RSPO2: variants seen among roughly 807,000 people sequenced by gnomAD.
The protein encoded by RSPO2 is R-spondin-2.
Under a neutral mutation model 30.9 loss-of-function variants are expected in RSPO2, and 14 were observed. The observed-to-expected ratio is 0.45, with a 90% CI of 0.30 to 0.71. The LOEUF (loss-of-function observed/expected upper bound fraction) is 0.71, where lower values mean the gene tolerates loss of function less well. RSPO2 is among the 30% of genes least tolerant of loss of function. The pLI, the probability that RSPO2 is intolerant of heterozygous loss-of-function variation, is 0.08. For missense variants in RSPO2, 264 were observed against 301.9 expected (o/e 0.87, Z 0.93); for synonymous variants, 107 against 96.4 (o/e 1.11, Z -0.64).
chr8:107,973,386 T>C (rs1019133042), intron 3 of RSPO2, among the ~76,000 whole-genome samples: 1 of 138,532 alleles, frequency 7.2e-6, no homozygotes, highest in African/African-American at 3.1e-5. Flanking sequence ...TAAGGTACAG[T>C]TGACCCTTGC....
At chr8:107,926,502 C>T (rs911122756) in intron 5 of RSPO2, among the ~76,000 whole-genome samples, 1 of 152,110 alleles carries the variant, frequency 6.6e-6, no homozygotes, top group African/African-American at 2.4e-5. Flanking sequence ...ATAGTATTGC[C>T]TAGGTTTTCT....
intron 2 of RSPO2, among the ~76,000 whole-genome samples, chr8:108,011,148 A>AAAAAAAG (rs1554581784): frequency 1.5e-4 from 21 of 140,466 alleles, no homozygotes; most frequent in Non-Finnish European, 2.9e-4. Context: ...AAAAAAAAAA[A>AAAAAAAG]AAAGAAAGAA....
chr8:108,039,643 C>T (rs1222636664), intron 2 of RSPO2, among the ~76,000 whole-genome samples: 1 of 152,092 alleles, frequency 6.6e-6, no homozygotes, highest in Non-Finnish European at 1.5e-5. Context: ...AGATAATGAA[C>T]AGGCCCCCAC....
intron 5 of RSPO2, among the ~76,000 whole-genome samples, chr8:107,917,000 T>C (rs1812002539): frequency 6.6e-6 from 1 of 152,204 alleles, no homozygotes; most frequent in Non-Finnish European, 1.5e-5. Flanking sequence ...CATTTTGTTT[T>C]CTCTTTTGAA....
At chr8:108,061,824 T>C (rs1314368524) in intron 2 of RSPO2, among the ~76,000 whole-genome samples, 8 of 151,798 alleles carry the variant, frequency 5.3e-5, no homozygotes, top group South Asian at 2.1e-4. Context: ...ACAGAAATTA[T>C]AACAAACTGT....
intron 2 of RSPO2, chr8:107,997,304 G>A (rs1258576044): frequency 1.9e-5 from 3 of 155,650 alleles, no homozygotes; most frequent in Admixed American, 6.5e-5. Flanking sequence ...ATCTTCATAA[G>A]TTGAATGGCT....
intron 2 of RSPO2, among the ~76,000 whole-genome samples, chr8:107,990,559 A>G (rs1428991291): frequency 6.6e-6 from 1 of 152,218 alleles, no homozygotes; most frequent in African/African-American, 2.4e-5. Context: ...CAGAGATAAC[A>G]CAAACAAATG....
At chr8:108,068,444 A>G (rs1366323907) in intron 2 of RSPO2, among the ~76,000 whole-genome samples, 2 of 152,210 alleles carry the variant, frequency 1.3e-5, no homozygotes, top group African/African-American at 4.8e-5. Flanking sequence ...TACTTGTTAT[A>G]CTAATAATAT....
At chr8:108,038,845 C>T (rs1811671630) in intron 2 of RSPO2, among the ~76,000 whole-genome samples, 1 of 151,992 alleles carries the variant, frequency 6.6e-6, no homozygotes, top group Admixed American at 6.6e-5. Flanking sequence ...TAATAGACTA[C>T]AGCACAGTGT....
intron 5 of RSPO2, among the ~76,000 whole-genome samples, chr8:107,933,404 C>T (rs1428969104): frequency 1.3e-5 from 2 of 152,100 alleles, no homozygotes; most frequent in Non-Finnish European, 2.9e-5. Context: ...TCATTTACTT[C>T]TATGCTCATA....
At chr8:107,926,905 T>C (rs557516002) in intron 5 of RSPO2, among the ~76,000 whole-genome samples, 1,552 of 152,278 alleles carry the variant, frequency 0.01, 27 homozygotes, top group African/African-American at 0.034. Context: ...ATATGAACTT[T>C]AAAGTAGTTT....
At chr8:108,039,902 T>G (rs1255932628) in intron 2 of RSPO2, among the ~76,000 whole-genome samples, 6 of 152,150 alleles carry the variant, frequency 3.9e-5, no homozygotes, top group Admixed American at 2.6e-4. Flanking sequence ...GCCAGAGAGT[T>G]AGTTAGTGGT....
chr8:108,025,474 C>T (rs1448407607), intron 2 of RSPO2, among the ~76,000 whole-genome samples: 1 of 152,068 alleles, frequency 6.6e-6, no homozygotes, highest in Non-Finnish European at 1.5e-5. Context: ...TAAAATAAAC[C>T]ATGAATCTAT....
chr8:107,929,235 A>G (rs916814928), intron 5 of RSPO2, among the ~76,000 whole-genome samples: 1 of 152,226 alleles, frequency 6.6e-6, no homozygotes, highest in Non-Finnish European at 1.5e-5. Flanking sequence ...TTGAGAGGAT[A>G]AGTAACACTA....
chr8:107,944,786 CT>C, intron 5 of RSPO2, among the ~76,000 whole-genome samples: 1 of 152,238 alleles, frequency 6.6e-6, no homozygotes, highest in Non-Finnish European at 1.5e-5. Flanking sequence ...ATGAGTGCAT[CT>C]TGAAGTTCTG....
chr8:108,003,295 ATATATATATATATATATTTTTTTTTTT>A (rs1410357038), intron 2 of RSPO2, among the ~76,000 whole-genome samples: 999 of 27,424 alleles, frequency 0.036, 17 homozygotes, highest in African/African-American at 0.073. Context: ...ATATATATAT[ATATATATATATATATATTTTTTTTTTT>A]TTTTTTTTTT....
chr8:108,019,214 T>C (rs548340019), intron 2 of RSPO2, among the ~76,000 whole-genome samples: 1 of 152,146 alleles, frequency 6.6e-6, no homozygotes, highest in East Asian at 1.9e-4. Flanking sequence ...ATTATCCGGC[T>C]GTGGTGGTGC....
intron 2 of RSPO2, among the ~76,000 whole-genome samples, chr8:108,080,680 A>T (rs1349520934): frequency 6.6e-6 from 1 of 152,186 alleles, no homozygotes; most frequent in East Asian, 1.9e-4. Context: ...CTACTAAAAC[A>T]ATATGCTTGG....
chr8:107,941,233 G>A (rs1160934160), intron 5 of RSPO2, among the ~76,000 whole-genome samples: 1 of 152,018 alleles, frequency 6.6e-6, no homozygotes, highest in Non-Finnish European at 1.5e-5. Flanking sequence ...CAGAAATGAG[G>A]CTCAGAACAG....
Sources: allele counts gnomAD v4.1 joint callset (sites outside exome capture counted in the v4.1 genomes callset), GRCh38; gene constraint gnomAD v4.1.1; transcripts MANE v1.5; gene names NCBI Gene and HGNC (gene_info 2026-07-23, HGNC 2026-07-21).